The following CDON variants were observed in gnomAD, a reference collection of about 807,000 sequenced individuals.
CDON encodes cell adhesion associated, oncogene regulated.
Under a neutral mutation model 120.9 loss-of-function variants are expected in CDON, and 73 were observed. That is an observed-to-expected ratio of 0.60 (90% confidence interval 0.50 to 0.73). The LOEUF (loss-of-function observed/expected upper bound fraction) is 0.73. Ranked by LOEUF, CDON falls within the 30% of genes least tolerant of loss-of-function variation. The probability of loss-of-function intolerance (pLI) is 0.00; values close to 1 mark genes in which losing one functional copy is unlikely to be tolerated. For synonymous variants in CDON, 566 were observed against 573.5 expected (o/e 0.99, Z 0.19); for missense variants, 1,470 against 1,587.3 (o/e 0.93, Z 1.26).
chr11:126,008,766 A>G (rs1468977123), intron 8 of CDON, among the ~76,000 whole-genome samples: 3 of 152,296 alleles, frequency 2.0e-5, no homozygotes, highest in Middle Eastern at 3.4e-3. Context: ...ATAAACACAC[A>G]CGCACATTCA....
intron 18 of CDON, among the ~76,000 whole-genome samples, chr11:125,966,810 C>T (rs974207976): frequency 1.5e-4 from 23 of 151,022 alleles, no homozygotes; most frequent in Admixed American, 2.6e-4. Flanking sequence ...AATAAAGTAA[C>T]AGAATAATGT....
At chr11:126,013,542 T>C (rs1043031777) in intron 7 of CDON, among the ~76,000 whole-genome samples, 10 of 152,186 alleles carry the variant, frequency 6.6e-5, no homozygotes, top group African/African-American at 2.4e-4. Flanking sequence ...TTACATTTTT[T>C]CCTCAGAATT....
chr11:125,993,628 C>T (rs1282547193), intron 14 of CDON, among the ~76,000 whole-genome samples: 3 of 152,132 alleles, frequency 2.0e-5, no homozygotes, highest in Admixed American at 2.0e-4. Context: ...GTAAAGGCAA[C>T]AGGAACTACC....
At chr11:126,019,370 T>G (rs1488354680) in intron 4 of CDON, among the ~76,000 whole-genome samples, 1 of 152,132 alleles carries the variant, frequency 6.6e-6, no homozygotes, top group Non-Finnish European at 1.5e-5. Flanking sequence ...GGCATATTAT[T>G]TTAGATAGGA....
intron 10 of CDON, among the ~76,000 whole-genome samples, chr11:126,003,485 T>C (rs990377720): frequency 6.6e-6 from 1 of 152,168 alleles, no homozygotes; most frequent in Non-Finnish European, 1.5e-5. Context: ...GAGGCTATAA[T>C]AGGGTCGTTT....
intron 11 of CDON, among the ~76,000 whole-genome samples, chr11:126,000,409 C>T (rs772890224): frequency 4.6e-5 from 7 of 152,118 alleles, no homozygotes; most frequent in Non-Finnish European, 4.4e-5. Context: ...GGTCTCACTA[C>T]GTTGCTCAAG....
At position 125,968,270 on chromosome 11, in the gene CDON, C is replaced by A. The variant is rs534906236; in HGVS notation, c.3357-6272G>T. Among the ~76,000 whole-genome samples the A allele has an allele frequency of 1.8e-3, 267 of 152,290 alleles. 1 individual carries two copies. Among genetic ancestry groups the A allele is most frequent in the Non-Finnish European group, 2.9e-3 (200 of 68,020 alleles). On this transcript the variant is annotated intron_variant, in intron 18 of 19. Transcript: ENST00000531738. Reference sequence around the variant, plus strand: ...GCCAGACAATGAGATGCCCTCAAAGCCTTCTGCTTCCTTCTGTTTAATTTC... The same window carrying A: ...GCCAGACAATGAGATGCCCTCAAAGACTTCTGCTTCCTTCTGTTTAATTTC...
intron 18 of CDON, among the ~76,000 whole-genome samples, chr11:125,962,841 CATTT>C (rs1308872349): frequency 6.6e-6 from 1 of 152,086 alleles, no homozygotes; most frequent in Non-Finnish European, 1.5e-5. Flanking sequence ...CCTATATGTT[CATTT>C]ATTATGTGTA....
chr11:126,062,977 G>A (rs1383816668), upstream of CDON, among the ~76,000 whole-genome samples: 1 of 151,830 alleles, frequency 6.6e-6, no homozygotes, highest in Non-Finnish European at 1.5e-5. Flanking sequence ...GAGGGACCGG[G>A]GAATGACTGA....
Position 125,969,124 on chromosome 11 carries a change from G to A in CDON, c.3357-7126C>T, listed in dbSNP as rs188695676. 3.1e-4 allele frequency among the ~76,000 whole-genome samples: 47 copies of A among 152,234 alleles called. No individual in the cohort carries two copies. The East Asian group carries it at 5.6e-3, about 18-fold the overall frequency. The stretch of plus-strand genomic sequence containing the variant: ...AGTGATTCTCCTGCCTCAGCCTCCC[G>A]AGTAGCTGGGATTACAGGCATGCGC... On this transcript the variant is annotated intron_variant, in intron 18 of 19. Coordinates refer to ENST00000531738, the MANE Select transcript of CDON (RefSeq NM_001378964.1).
Position 125,979,238 on chromosome 11 carries a change from G to C in CDON, c.3277-855C>G, listed in dbSNP as rs1437613764. ...AAAGTTCAGGCAATTGTTTTTCCTA[G>C]AATACTTTCCATTTCCATTCATTTC... On this transcript the variant is annotated intron_variant, in intron 17 of 19. Transcript: ENST00000531738. 2.6e-5 allele frequency among the ~76,000 whole-genome samples: 4 copies of C among 152,174 alleles called. No individual in the cohort carries two copies. The East Asian group carries it at 7.7e-4, about 29-fold the overall frequency.
chr11:126,018,575 AT>A, intron 4 of CDON, 102 bp from the exon 5 acceptor site: 1 of 1,049,482 alleles, frequency 9.5e-7, no homozygotes, highest in Non-Finnish European at 1.5e-6. Flanking sequence ...ATTCCATCTT[AT>A]TTTATTTTAG....
intron 1 of CDON, among the ~76,000 whole-genome samples, chr11:126,045,349 C>T (rs1948379011): frequency 1.3e-5 from 2 of 152,010 alleles, no homozygotes; most frequent in Non-Finnish European, 2.9e-5. Flanking sequence ...GTTTAAAGCA[C>T]TTAAATTTGT....
rs532734340 is a variant in CDON, at chr11:126,017,178, C to T, written c.838G>A (p.Val280Ile). Residue 280 changes from valine (V) to isoleucine (I), a missense_variant, in exon 6 of 20, where the codon GTT becomes ATT. Physicochemically the swap from Val to Ile is conservative, Grantham distance 29 (BLOSUM62 3). Transcript: ENST00000531738. ...RLYSHLATDS[V>I]DPADSGNYSC... Reference sequence around the variant, plus strand: ...TAGTTTCCGGAGTCCGCCGGGTCAACGCTATCAGTGGCAAGATGAGAATAC... The same window carrying T: ...TAGTTTCCGGAGTCCGCCGGGTCAATGCTATCAGTGGCAAGATGAGAATAC... 8 of 1,614,188 alleles carry T rather than the reference C, an allele frequency of 5.0e-6. No homozygotes were observed. Among genetic ancestry groups the T allele is most frequent in the African/African-American group, 2.7e-5 (2 of 75,042 alleles).
At chr11:125,976,014 T>C (rs1459909751) in intron 18 of CDON, among the ~76,000 whole-genome samples, 2 of 152,194 alleles carry the variant, frequency 1.3e-5, no homozygotes, top group Admixed American at 1.3e-4. Flanking sequence ...TCAGCTGATA[T>C]TCAGAAATGC....
chr11:125,977,307 T>C (rs1397175914), intron 18 of CDON, among the ~76,000 whole-genome samples: 1 of 152,240 alleles, frequency 6.6e-6, no homozygotes, highest in African/African-American at 2.4e-5. Context: ...TCTGTTGCTT[T>C]TGTTCTGCAA....
rs766151030 is a variant in CDON at position 126,017,216 on chromosome 11, T to A, written c.800A>T (p.Asn267Ile). 5.6e-6 allele frequency: 9 copies of A among 1,614,166 alleles called. No individual in the cohort carries two copies. Among genetic ancestry groups the A allele is most frequent in the Non-Finnish European group, 7.6e-6 (9 of 1,180,028 alleles). ...AAGATGAGAATACAACCTTCTCCAG[T>A]TGCTTCCTGGTGCAATGTCCTGCCC... Reference protein sequence around the residue: ...KDGQDIAPGSNWRRLYSHLAT... With the variant: ...KDGQDIAPGSIWRRLYSHLAT... Residue 267 changes from asparagine (N) to isoleucine (I), a missense_variant, in exon 6 of 20, where the codon AAC (asparagine) becomes ATC (isoleucine). Coordinates refer to ENST00000531738, the MANE Select transcript of CDON (RefSeq NM_001378964.1).
At chr11:126,011,515 G>A (rs77315218) in intron 7 of CDON, among the ~76,000 whole-genome samples, 5 of 152,078 alleles carry the variant, frequency 3.3e-5, no homozygotes, top group Admixed American at 6.6e-5. Flanking sequence ...GTGATTATGC[G>A]ACATTATTAA....
At chr11:125,964,917 G>A (rs1056814683) in intron 18 of CDON, among the ~76,000 whole-genome samples, 1 of 152,146 alleles carries the variant, frequency 6.6e-6, no homozygotes, top group Admixed American at 6.5e-5. Context: ...ACGTTTTGTT[G>A]AAAATAATTC....
Sources: allele counts gnomAD v4.1 joint callset (sites outside exome capture counted in the v4.1 genomes callset), GRCh38; gene constraint gnomAD v4.1.1; transcripts MANE v1.5; gene names NCBI Gene and HGNC (gene_info 2026-07-23, HGNC 2026-07-21).